PGS1: variants seen among roughly 807,000 people sequenced by gnomAD.
PGS1 encodes the protein phosphatidylglycerophosphate synthase 1, also known as CDP-diacylglycerol--glycerol-3-phosphate 3-phosphatidyltransferase, mitochondrial.
PGS1 carries 44 observed loss-of-function variants against 58.3 expected under a neutral mutation model. The observed-to-expected ratio is 0.75, with a 90% CI of 0.59 to 0.97. PGS1 has a LOEUF of 0.97. Among genes scored for constraint, PGS1 ranks in the 50% least tolerant of loss-of-function variants. PGS1 has a pLI of 0.00. For synonymous variants in PGS1, 330 were observed against 311.0 expected, an observed-to-expected ratio of 1.06 and a Z score of -0.64; for missense variants, 684 against 731.1, an observed-to-expected ratio of 0.94 and a Z score of 0.74.
intron 7 of PGS1, among the ~76,000 whole-genome samples, chr17:78,406,497 C>T (rs931134744): frequency 2.6e-5 from 4 of 152,202 alleles, no homozygotes; most frequent in African/African-American, 7.2e-5. Context: ...GGGCATCCCA[C>T]GTGCTGCTTT....
chr17:78,382,461 A>G (rs11655397), intron 1 of PGS1, among the ~76,000 whole-genome samples: 11 of 152,028 alleles, frequency 7.2e-5, no homozygotes, highest in Non-Finnish European at 1.6e-4. Context: ...GGAGTAAAGA[A>G]GAGGCTCAGG....
intron 9 of PGS1, chr17:78,420,356 C>G (rs139931082): frequency 1.9e-5 from 8 of 411,270 alleles, no homozygotes; most frequent in Middle Eastern, 1.2e-3. Flanking sequence ...CCTAGAGGTC[C>G]GGGCAGGGGG....
chr17:78,389,617 G>A (rs1459213235), intron 1 of PGS1, among the ~76,000 whole-genome samples: 7 of 95,598 alleles, frequency 7.3e-5, no homozygotes, highest in East Asian at 2.6e-4. Context: ...CACCGTGCTC[G>A]GCCCCTTTTT....
At chr17:78,419,362 CAG>C (rs2085485241) in intron 8 of PGS1, among the ~76,000 whole-genome samples, 182 bp from the exon 9 acceptor site, 1 of 152,222 alleles carries the variant, frequency 6.6e-6, no homozygotes, top group African/African-American at 2.4e-5. Flanking sequence ...GAATGTTTGA[CAG>C]TGGCAACTTG....
chr17:78,408,808 C>T (rs1213793955), intron 7 of PGS1, among the ~76,000 whole-genome samples: 2 of 152,178 alleles, frequency 1.3e-5, no homozygotes, highest in Admixed American at 1.3e-4. Context: ...TGTTGCCTGG[C>T]CCTCGCTCCT....
intron 7 of PGS1, among the ~76,000 whole-genome samples, chr17:78,413,995 G>T (rs2084955215): frequency 2.0e-5 from 3 of 152,210 alleles, no homozygotes; most frequent in Admixed American, 2.0e-4. Context: ...CAAAAAGGGG[G>T]ATATTGTTCT....
chr17:78,422,131 TA>T (rs1426948884), intron 9 of PGS1, among the ~76,000 whole-genome samples: 1 of 152,224 alleles, frequency 6.6e-6, no homozygotes, highest in African/African-American at 2.4e-5. Context: ...TTGTGGTTAT[TA>T]CCAGGGACTG....
Position 78,403,631 on chromosome 17 carries a change from G to T in PGS1, c.944G>T (p.Arg315Met), listed in dbSNP as rs754955057. The T allele has an allele frequency of 6.0e-5, 97 of 1,614,056 alleles. No individual in the cohort carries two copies. Among genetic ancestry groups the T allele is most frequent in the Non-Finnish European group, 8.1e-5 (96 of 1,180,050 alleles). ...GTCATGGATGTGATCAACTCAGCCA[G>T]GACCCGCCAGCAGATGCTGCATGCC... ...KRVMDVINSA[R>M]TRQQMLHAQT... Residue 315 changes from arginine (R) to methionine (M), a missense_variant, in exon 7 of 10, where the codon AGG (arginine) becomes ATG (methionine). Arg to Met is a moderately conservative substitution (Grantham distance 91, BLOSUM62 -1). Transcript: ENST00000262764.
chr17:78,380,678 C>A (rs1008511644), intron 1 of PGS1, among the ~76,000 whole-genome samples: 3 of 152,146 alleles, frequency 2.0e-5, no homozygotes, highest in African/African-American at 7.2e-5. Flanking sequence ...CCCTTGAAGA[C>A]AAGATTTAGG....
intron 1 of PGS1, among the ~76,000 whole-genome samples, chr17:78,383,901 A>T (rs551716718): frequency 1.3e-5 from 2 of 152,244 alleles, no homozygotes; most frequent in African/African-American, 4.8e-5. Context: ...AGGCAAATAG[A>T]ACCCAGCCTG....
rs1184434058 is a variant in PGS1, at chr17:78,403,876, G to T, written c.1189G>T (p.Asp397Tyr). ...GYFNLTQAYM[D>Y]LVLGTRAEYQ... ...TTTCAACCTGACCCAGGCCTACATGGACCTGGTCTTGGGCACTCGGGCTGA... is the reference window on the plus strand; with the variant it reads ...TTTCAACCTGACCCAGGCCTACATGTACCTGGTCTTGGGCACTCGGGCTGA... Residue 397 changes from aspartate to tyrosine, a missense_variant, in exon 7 of 10, where the codon GAC becomes TAC. By Grantham distance (160) the Asp-to-Tyr change is radical. Coordinates refer to ENST00000262764, the MANE Select transcript of PGS1 (RefSeq NM_024419.5). 6.2e-7 allele frequency: 1 copy of T among 1,614,206 alleles called. No individual in the cohort carries two copies. Among genetic ancestry groups the T allele is most frequent in the South Asian group, 1.1e-5 (1 of 91,082 alleles).
intron 7 of PGS1, among the ~76,000 whole-genome samples, chr17:78,409,401 G>A (rs1224244497): frequency 1.3e-5 from 2 of 152,274 alleles, no homozygotes; most frequent in African/African-American, 2.4e-5. Context: ...GTTAATGGTT[G>A]TGAGAATGTC....
At chr17:78,396,813 T>G (rs903152385) in intron 3 of PGS1, among the ~76,000 whole-genome samples, 1 of 152,282 alleles carries the variant, frequency 6.6e-6, no homozygotes, top group African/African-American at 2.4e-5. Context: ...AATTTCTGTA[T>G]TGGTAAACAA....
chr17:78,419,524 C>T (rs1328040583), intron 8 of PGS1, 22 bp from the exon 9 acceptor site: 5 of 1,609,480 alleles, frequency 3.1e-6, no homozygotes, highest in South Asian at 1.1e-5. Flanking sequence ...CCTCACTATT[C>T]CTGTCTGTTC....
At chr17:78,423,695 G>A in intron 9 of PGS1, 1 of 605,692 alleles carries the variant, frequency 1.7e-6, no homozygotes, top group Non-Finnish European at 2.9e-6. Flanking sequence ...GATGGGCACA[G>A]CTGAGTGGCT....
At chr17:78,389,571 T>G (rs1191188565) in intron 1 of PGS1, among the ~76,000 whole-genome samples, 3 of 149,962 alleles carry the variant, frequency 2.0e-5, no homozygotes, top group African/African-American at 5.0e-5. Context: ...TCCACCTGCC[T>G]CGGCCTCCCA....
intron 8 of PGS1, among the ~76,000 whole-genome samples, chr17:78,416,803 C>G (rs1568003515): frequency 6.6e-6 from 1 of 152,158 alleles, no homozygotes; most frequent in Admixed American, 6.5e-5. Flanking sequence ...TGCTTATATA[C>G]TGGGACGGCA....
intron 7 of PGS1, among the ~76,000 whole-genome samples, chr17:78,406,221 G>A (rs548065521): frequency 6.6e-6 from 1 of 152,310 alleles, no homozygotes; most frequent in South Asian, 2.1e-4. Context: ...GGGAGGCTGA[G>A]GCAGGAGAAT....
chr17:78,390,062 T>TCCCCCCCCCCCCCCCCCCCCCCC (rs1555628316), intron 1 of PGS1, among the ~76,000 whole-genome samples: 28 of 128,592 alleles, frequency 2.2e-4, no homozygotes, highest in Non-Finnish European at 3.7e-4. Context: ...TGTTGCCTGT[T>TCCCCCCCCCCCCCCCCCCCCCCC]CCCCCGCCCC....
Sources: gnomAD v4.1 joint callset for allele counts (sites outside exome capture counted in the v4.1 genomes callset) on GRCh38, gnomAD v4.1.1 for gene constraint, MANE v1.5 for transcripts, NCBI Gene and HGNC (gene_info 2026-07-23, HGNC 2026-07-21) for gene names.